CHCHD3: variants seen among roughly 807,000 people sequenced by gnomAD.
CHCHD3 encodes MICOS complex subunit MIC19.
A neutral mutation model predicts 38.2 loss-of-function variants in CHCHD3; 20 were observed. The ratio of observed to expected loss-of-function variants is 0.52; its 90% CI spans 0.37 to 0.76. CHCHD3 has a LOEUF of 0.76. Ranked by LOEUF, CHCHD3 falls within the 30% of genes least tolerant of loss-of-function variation. The pLI, the probability that CHCHD3 is intolerant of heterozygous loss-of-function variation, is 0.00. For synonymous variants in CHCHD3, 82 were observed against 100.0 expected (o/e 0.82, Z 1.07); for missense variants, 245 against 279.2 (o/e 0.88, Z 0.87).
rs551638706 is a variant in CHCHD3 at position 132,787,208 on chromosome 7, C to T, written c.661-1548G>A. Among the ~76,000 whole-genome samples the T allele has an allele frequency of 8.5e-5, 13 of 152,236 alleles. No homozygotes were observed. The South Asian group carries it at 1.2e-3, about 15-fold the overall frequency. ...GAAAGGGTGGAAAGAGGGCCCAGGA[C>T]GGACGCCAGGCTGAGACATGTCCTG... is the stretch of plus-strand genomic sequence containing the variant. On this transcript the variant is annotated intron_variant, in intron 7 of 7. Transcript: ENST00000262570.
intron 3 of CHCHD3, among the ~76,000 whole-genome samples, chr7:132,994,859 T>C (rs1283860903): frequency 6.6e-6 from 1 of 152,190 alleles, no homozygotes; most frequent in Admixed American, 6.5e-5. Flanking sequence ...GAAAGTCACC[T>C]TGGCATACAC....
chr7:133,061,798 T>C (rs146700652), intron 2 of CHCHD3, among the ~76,000 whole-genome samples: 1,898 of 152,314 alleles, frequency 0.012, 34 homozygotes, highest in African/African-American at 0.043. Flanking sequence ...AACCAGAATA[T>C]TGTCATAAGC....
chr7:132,788,371 C>G lies in CHCHD3; in HGVS notation c.661-2711G>C, dbSNP rs1806377731. 6.6e-6 allele frequency among the ~76,000 whole-genome samples: 1 copy of G among 152,146 alleles called. No individual in the cohort carries two copies. Among genetic ancestry groups the G allele is most frequent in the Non-Finnish European group, 1.5e-5 (1 of 68,046 alleles). On this transcript the variant is annotated intron_variant, in intron 7 of 7. Transcript: ENST00000262570. The surrounding 1 kb of genome is among the most constrained non-coding windows in gnomAD (Gnocchi z 4.0). ...AGCTTTGAGTTGTCATCTGCCTGGT[C>G]AAGATTACATAGCTGTACCCCTCTC...
chr7:132,972,442 C>A (rs546126925), intron 4 of CHCHD3: 2 of 443,264 alleles, frequency 4.5e-6, no homozygotes, highest in East Asian at 1.6e-4. Context: ...ACACAACAAA[C>A]CAAAATGTTA....
chr7:132,873,071 CAGAG>C (rs1272847648), intron 5 of CHCHD3, among the ~76,000 whole-genome samples: 2 of 151,558 alleles, frequency 1.3e-5, no homozygotes, highest in Non-Finnish European at 2.9e-5. Flanking sequence ...GCCTGGGCGA[CAGAG>C]AGAGATTCTG....
At chr7:132,802,123 A>C (rs1806808513) in intron 6 of CHCHD3, among the ~76,000 whole-genome samples, 1 of 152,222 alleles carries the variant, frequency 6.6e-6, no homozygotes, top group South Asian at 2.1e-4. Context: ...CCAAAGTGTA[A>C]GGTGAGCAAA....
chr7:133,009,487 G>A (rs1331337070), intron 3 of CHCHD3, among the ~76,000 whole-genome samples: 2 of 151,824 alleles, frequency 1.3e-5, no homozygotes, highest in African/African-American at 4.8e-5. Context: ...CAGAAGCCAG[G>A]GAGGCTGAGG....
At chr7:133,050,329 A>G (rs1814119105) in intron 2 of CHCHD3, among the ~76,000 whole-genome samples, 1 of 120,252 alleles carries the variant, frequency 8.3e-6, no homozygotes, top group Non-Finnish European at 1.6e-5. Context: ...GTAACAGAGG[A>G]GGCTGTGTCT....
rs77598673 is a variant in CHCHD3 at position 133,017,569 on chromosome 7, C to T, written c.251+6977G>A. On this transcript the variant is annotated intron_variant, in intron 3 of 7. Coordinates refer to ENST00000262570, the MANE Select transcript of CHCHD3 (RefSeq NM_017812.4). Reference sequence around the variant, plus strand: ...ACAAATGACTTCAAACACTGCACTTCACGAGAGAAAACACTGTAATTACTG... The same window carrying T: ...ACAAATGACTTCAAACACTGCACTTTACGAGAGAAAACACTGTAATTACTG... Among the ~76,000 whole-genome samples the T allele has an allele frequency of 5.7e-3, 869 of 152,262 alleles. 7 individuals are homozygous for T. Among genetic ancestry groups the T allele is most frequent in the African/African-American group, 0.02 (830 of 41,548 alleles).
Position 132,975,304 on chromosome 7 carries a change from G to A in CHCHD3, c.252-18C>T. 6.4e-7 allele frequency: 1 copy of A among 1,566,668 alleles called. No homozygotes were observed. Among genetic ancestry groups the A allele is most frequent in the Middle Eastern group, 2.0e-4 (1 of 5,000 alleles). Reference sequence around the variant, plus strand: ...GCTTTAGTCTAAAATGACAAGAATTGTCTAAGTTAGAAAAAATATTTTATT... The same window carrying A: ...GCTTTAGTCTAAAATGACAAGAATTATCTAAGTTAGAAAAAATATTTTATT... On this transcript the variant is annotated intron_variant, in intron 3 of 7. Transcript: ENST00000262570.
chr7:132,976,924 T>C (rs1811781927), intron 3 of CHCHD3, among the ~76,000 whole-genome samples: 1 of 152,132 alleles, frequency 6.6e-6, no homozygotes. Context: ...CTGTGTAGTT[T>C]TGTGTCTTAA....
At chr7:132,882,552 G>A (rs1031745268) in intron 5 of CHCHD3, among the ~76,000 whole-genome samples, 3 of 149,384 alleles carry the variant, frequency 2.0e-5, no homozygotes, top group African/African-American at 5.0e-5. Context: ...TCTACCACTT[G>A]TTCTACTTGG....
At chr7:132,794,289 T>C (rs569170729) in intron 7 of CHCHD3, among the ~76,000 whole-genome samples, 4 of 152,362 alleles carry the variant, frequency 2.6e-5, no homozygotes, top group South Asian at 4.1e-4. Context: ...CTTATGTATT[T>C]TGAAATTTTT....
chr7:133,016,129 T>C (rs530560297), intron 3 of CHCHD3, among the ~76,000 whole-genome samples: 8 of 152,140 alleles, frequency 5.3e-5, no homozygotes, highest in Non-Finnish European at 1.0e-4. Flanking sequence ...GGTGGGGACA[T>C]AGAACCAAAC....
chr7:132,851,364 A>T (rs531539887), intron 5 of CHCHD3, among the ~76,000 whole-genome samples: 1 of 152,300 alleles, frequency 6.6e-6, no homozygotes, highest in Middle Eastern at 3.4e-3. Flanking sequence ...TCTATTTTCC[A>T]TGCTTAGATT....
chr7:132,797,759 T>C (rs1806657292), intron 6 of CHCHD3, among the ~76,000 whole-genome samples: 2 of 152,162 alleles, frequency 1.3e-5, no homozygotes, highest in African/African-American at 2.4e-5. Context: ...CCTTATAATA[T>C]ATGCTTGAAA....
chr7:132,947,665 C>T (rs1020940740), intron 4 of CHCHD3, among the ~76,000 whole-genome samples: 1 of 151,834 alleles, frequency 6.6e-6, no homozygotes, highest in Non-Finnish European at 1.5e-5. Context: ...AAATTGATGG[C>T]ACTACATATA....
chr7:132,852,813 C>T (rs1808251009), intron 5 of CHCHD3, among the ~76,000 whole-genome samples: 1 of 152,180 alleles, frequency 6.6e-6, no homozygotes, highest in African/African-American at 2.4e-5. Flanking sequence ...GTTTGCCTTC[C>T]TCCCACTTTT....
intron 6 of CHCHD3, among the ~76,000 whole-genome samples, chr7:132,800,091 G>A (rs1468260340): frequency 6.6e-6 from 1 of 151,964 alleles, no homozygotes; most frequent in Non-Finnish European, 1.5e-5. Context: ...TCACTTAAAA[G>A]GCATCTAAAA....
Sources: gnomAD v4.1 joint callset for allele counts (sites outside exome capture counted in the v4.1 genomes callset) on GRCh38, gnomAD v4.1.1 for gene constraint, Gnocchi (gnomAD v3.1) non-coding constraint, MANE v1.5 for transcripts, NCBI Gene and HGNC (gene_info 2026-07-23, HGNC 2026-07-21) for gene names.